Variants in DAPK1 observed in about 807,000 individuals in gnomAD.
DAPK1 encodes death-associated protein kinase 1.
DAPK1 carries 56 observed loss-of-function variants against 144.9 expected under a neutral mutation model. That is an observed-to-expected ratio of 0.39 (90% CI 0.31 to 0.48). DAPK1 has a LOEUF of 0.48. Among genes scored for constraint, DAPK1 ranks in the 20% least tolerant of loss-of-function variants. The probability of loss-of-function intolerance (pLI) is 0.95; values close to 1 mark genes in which losing one functional copy is unlikely to be tolerated. For synonymous variants in DAPK1, 690 were observed against 749.0 expected (o/e 0.92, Z 1.29); for missense variants, 1,454 against 1,875.4 (o/e 0.78, Z 4.15).
At chr9:87,645,059 A>T (rs1157287272) in intron 11 of DAPK1, among the ~76,000 whole-genome samples, 2 of 152,210 alleles carry the variant, frequency 1.3e-5, no homozygotes, top group African/African-American at 2.4e-5. Context: ...TGCTTTCTCC[A>T]TTCTCCCCCA....
rs1194321990 is a variant in DAPK1, at chr9:87,707,634, T to G, written c.*270T>G. 1 of 525,932 alleles carries G rather than the reference T, an allele frequency of 1.9e-6. No individual in the cohort carries two copies. The highest frequency in any genetic ancestry group is 3.4e-6 in the Non-Finnish European group (1 of 292,962). The allele number at this position is 525,932 out of a possible 1,614,324, so 32.6% of individuals were successfully genotyped here. On this transcript the variant is annotated 3_prime_UTR_variant, in exon 26 of 26. Transcript: ENST00000408954. This position sits in a 1 kb window ranked among gnomAD's most constrained non-coding sequence, Gnocchi z 4.0. ...AGCTAGTGTACCTCCTCTCAGTGTT[T>G]TGGACTCCATCTCTCATCCTCCAGT...
intron 3 of DAPK1, among the ~76,000 whole-genome samples, chr9:87,635,284 G>A (rs566276941): frequency 2.1e-4 from 32 of 152,188 alleles, no homozygotes; most frequent in African/African-American, 7.5e-4. Flanking sequence ...AGCAGACTGC[G>A]CCAGCTGTGT....
chr9:87,531,687 C>A (rs2118362597), intron 2 of DAPK1, among the ~76,000 whole-genome samples: 1 of 152,336 alleles, frequency 6.6e-6, no homozygotes, highest in South Asian at 2.1e-4. Context: ...CCCAGGATTT[C>A]ATACAGGTGC....
rs1824741880 is a variant in DAPK1 at position 87,509,364 on chromosome 9, C to A, written c.62+10225C>A. Among the ~76,000 whole-genome samples the A allele has an allele frequency of 2.6e-5, 4 of 152,016 alleles. No homozygotes were observed. In the South Asian group the frequency reaches 8.3e-4, roughly 32 times the overall value. ...TGAAAGCACAGCCTGCCAGCATTTT[C>A]TTTTCTTTTTTTTTGAAATGGAGTT... is the stretch of plus-strand genomic sequence containing the variant. On this transcript the variant is annotated intron_variant, in intron 2 of 25. Coordinates refer to ENST00000408954, the MANE Select transcript of DAPK1 (RefSeq NM_004938.4).
chr9:87,603,854 A>G (rs144546024), intron 2 of DAPK1, among the ~76,000 whole-genome samples: 1 of 152,182 alleles, frequency 6.6e-6, no homozygotes, highest in African/African-American at 2.4e-5. Flanking sequence ...ACCCCTTATT[A>G]TTTTGAGTCA....
At chr9:87,650,294 GTTAATA>G (rs1274587038) in intron 16 of DAPK1, 176 bp downstream of exon 16, 16 of 600,596 alleles carry the variant, frequency 2.7e-5, no homozygotes, top group East Asian at 2.3e-4. Flanking sequence ...GTATTTAATA[GTTAATA>G]TTAATTTATG....
chr9:87,568,006 C>T (rs1827193392), intron 2 of DAPK1, among the ~76,000 whole-genome samples: 1 of 152,228 alleles, frequency 6.6e-6, no homozygotes, highest in Non-Finnish European at 1.5e-5. Context: ...GGTCCAAGGT[C>T]TCATGGCTAA....
chr9:87,697,061 G>C lies in DAPK1; in HGVS notation c.2468G>C (p.Cys823Ser), dbSNP rs751907646. ...TCTGGAAATCCTGTGTATTTCTGCT[G>C]TTATGACTATTTTGCTGCAAATGAT... ...EFSGNPVYFC[C>S]YDYFAANDPT... The change falls in exon 22 of 26, where the codon TGT becomes TCT. Residue 823 changes from cysteine (C) to serine (S), a missense_variant. Transcript: ENST00000408954. 1 of 1,594,996 alleles carries C rather than the reference G, an allele frequency of 6.3e-7. No individual in the cohort carries two copies. Among genetic ancestry groups the C allele is most frequent in the Non-Finnish European group, 8.6e-7 (1 of 1,162,444 alleles).
At chr9:87,531,895 A>T (rs914207357) in intron 2 of DAPK1, among the ~76,000 whole-genome samples, 1 of 152,156 alleles carries the variant, frequency 6.6e-6, no homozygotes, top group African/African-American at 2.4e-5. Context: ...TTTTCCCTCC[A>T]TGTGCCCCCT....
At chr9:87,514,494 A>G (rs1824971566) in intron 2 of DAPK1, among the ~76,000 whole-genome samples, 1 of 152,184 alleles carries the variant, frequency 6.6e-6, no homozygotes, top group Admixed American at 6.5e-5. Flanking sequence ...ACCTATTTGT[A>G]TAATTACTTT....
intron 2 of DAPK1, among the ~76,000 whole-genome samples, chr9:87,601,764 A>G (rs1387102327): frequency 6.6e-6 from 1 of 152,212 alleles, no homozygotes; most frequent in Non-Finnish European, 1.5e-5. Context: ...TCTACAGATA[A>G]GAAAACTGAG....
chr9:87,697,442 G>A (rs904843739), intron 22 of DAPK1, among the ~76,000 whole-genome samples: 13 of 152,182 alleles, frequency 8.5e-5, no homozygotes, highest in African/African-American at 2.9e-4. Flanking sequence ...TCTGCAGGCT[G>A]TTTTTGTTTC....
chr9:87,695,633 C>A (rs34002097), intron 21 of DAPK1, among the ~76,000 whole-genome samples: 1 of 152,106 alleles, frequency 6.6e-6, no homozygotes, highest in African/African-American at 2.4e-5. Flanking sequence ...AGGACCCCAC[C>A]TCCTCCCAGA....
chr9:87,614,093 A>T (rs1829015733), intron 3 of DAPK1, among the ~76,000 whole-genome samples: 1 of 152,176 alleles, frequency 6.6e-6, no homozygotes, highest in African/African-American at 2.4e-5. Flanking sequence ...TTCTCTTGAG[A>T]AAGAAAACCC....
At chr9:87,635,840 G>A (rs989925935) in intron 3 of DAPK1, among the ~76,000 whole-genome samples, 2 of 152,198 alleles carry the variant, frequency 1.3e-5, no homozygotes, top group African/African-American at 4.8e-5. Context: ...GCAGGCACTT[G>A]ACTTCTCCAC....
chr9:87,585,369 A>C (rs72747835), intron 2 of DAPK1, among the ~76,000 whole-genome samples: 1,982 of 152,326 alleles, frequency 0.013, 24 homozygotes, highest in Non-Finnish European at 0.022. Flanking sequence ...GGAGACTTGT[A>C]GATGCCTTCA....
chr9:87,531,280 G>A (rs909756730), intron 2 of DAPK1, among the ~76,000 whole-genome samples: 3 of 152,178 alleles, frequency 2.0e-5, no homozygotes, highest in Non-Finnish European at 4.4e-5. Flanking sequence ...CCAGTAGCTG[G>A]CTGGAGTTCA....
intron 2 of DAPK1, among the ~76,000 whole-genome samples, chr9:87,556,589 G>A (rs1036491785): frequency 4.6e-5 from 7 of 152,102 alleles, no homozygotes; most frequent in African/African-American, 7.2e-5. Context: ...GGAGGATGGC[G>A]GTCTCCTGCT....
intron 2 of DAPK1, among the ~76,000 whole-genome samples, chr9:87,559,339 T>C (rs7037317): frequency 0.095 from 14,414 of 151,710 alleles, 2,216 homozygotes; most frequent in African/African-American, 0.32. Context: ...GGCAGGGTAG[T>C]GTAGGGTAGG....
Sources: allele counts gnomAD v4.1 joint callset (sites outside exome capture counted in the v4.1 genomes callset), GRCh38; gene constraint gnomAD v4.1.1; non-coding constraint Gnocchi (gnomAD v3.1); transcripts MANE v1.5; gene names NCBI Gene and HGNC (gene_info 2026-07-23, HGNC 2026-07-21).